Variants in TBC1D23 observed in about 807,000 individuals in gnomAD.
TBC1D23 encodes HCV non-structural protein 4A-transactivated protein 1.
TBC1D23 carries 55 observed loss-of-function variants against 91.4 expected under a neutral mutation model. The ratio of observed to expected loss-of-function variants is 0.60; its 90% CI spans 0.48 to 0.75. The LOEUF (loss-of-function observed/expected upper bound fraction) is 0.75, where lower values mean the gene tolerates loss of function less well. Among genes scored for constraint, TBC1D23 ranks in the 30% least tolerant of loss-of-function variants. The probability of loss-of-function intolerance (pLI) is 0.00; values close to 1 mark genes in which losing one functional copy is unlikely to be tolerated. For missense variants in TBC1D23, 725 were observed against 836.1 expected (o/e 0.87, Z 1.64); for synonymous variants, 289 against 281.0 (o/e 1.03, Z -0.28).
At chr3:100,292,799 C>T (rs1348732155) in intron 5 of TBC1D23, among the ~76,000 whole-genome samples, 1 of 151,982 alleles carries the variant, frequency 6.6e-6, no homozygotes, top group African/African-American at 2.4e-5. Context: ...CAAGGTCTCA[C>T]CATATTGCCT....
intron 1 of TBC1D23, among the ~76,000 whole-genome samples, chr3:100,276,062 C>A (rs1576160986): frequency 7.0e-6 from 1 of 142,412 alleles, no homozygotes; most frequent in Non-Finnish European, 1.5e-5. Context: ...TATGGGGTTT[C>A]TTTAAGTGCA....
intron 1 of TBC1D23, among the ~76,000 whole-genome samples, chr3:100,267,859 A>G (rs2067569351): frequency 6.6e-6 from 1 of 152,240 alleles, no homozygotes; most frequent in South Asian, 2.1e-4. Flanking sequence ...TTTGGATCTT[A>G]AAACAGCTCT....
rs752842795 is a variant in TBC1D23 at position 100,283,671 on chromosome 3, C to G, written c.336C>G (p.Thr112=). 1 of 1,613,262 alleles carries G rather than the reference C, an allele frequency of 6.2e-7. No homozygotes were observed. Among genetic ancestry groups the G allele is most frequent in the African/African-American group, 1.3e-5 (1 of 74,892 alleles). The change falls in exon 4 of 19, where the codon ACC becomes ACG. Residue 112 remains threonine (T), a synonymous_variant. Transcript: ENST00000394144. ...ELLLDIESVI[T]FYCKSRNIKY... is the part of the protein sequence containing the mutation. Reference sequence around the variant, plus strand: ...TTTTGGATATTGAATCTGTAATTACCTTTTATTGTAAATCACGTAACATTA... The same window carrying G: ...TTTTGGATATTGAATCTGTAATTACGTTTTATTGTAAATCACGTAACATTA...
intron 1 of TBC1D23, among the ~76,000 whole-genome samples, chr3:100,276,616 A>G (rs2067651038): frequency 6.6e-6 from 1 of 152,342 alleles, no homozygotes; most frequent in South Asian, 2.1e-4. Context: ...AACTATTTCC[A>G]TATAAATCCA....
chr3:100,277,072 C>T (rs1402362872), intron 1 of TBC1D23, among the ~76,000 whole-genome samples: 1 of 152,134 alleles, frequency 6.6e-6, no homozygotes. Flanking sequence ...CACAGCCCAC[C>T]CACTCATACC....
intron 17 of TBC1D23, among the ~76,000 whole-genome samples, chr3:100,320,434 T>G (rs1484896402): frequency 6.6e-6 from 1 of 152,186 alleles, no homozygotes; most frequent in African/African-American, 2.4e-5. Context: ...GAATAGTTTA[T>G]GAATATAGGT....
intron 12 of TBC1D23, among the ~76,000 whole-genome samples, chr3:100,306,081 C>T (rs995782737): frequency 6.6e-6 from 1 of 152,138 alleles, no homozygotes; most frequent in African/African-American, 2.4e-5. Flanking sequence ...TAACAAAAGT[C>T]ACAATCGGTT....
At chr3:100,313,610 A>C (rs1705669602) in intron 15 of TBC1D23, among the ~76,000 whole-genome samples, 1 of 152,132 alleles carries the variant, frequency 6.6e-6, no homozygotes, top group Admixed American at 6.5e-5. Context: ...CTCTTTACTC[A>C]TACTTTCTGG....
At position 100,306,542 on chromosome 3, in the gene TBC1D23, A is replaced by G. The variant is rs765696270; in HGVS notation, c.1412A>G (p.Asp471Gly). 6.5e-7 allele frequency: 1 copy of G among 1,534,146 alleles called. No individual in the cohort carries two copies. Among genetic ancestry groups the G allele is most frequent in the Admixed American group, 1.7e-5 (1 of 59,654 alleles). ...SGSRSSINSVDGESPNGSSDR... is the reference protein window; with the variant it reads ...SGSRSSINSVGGESPNGSSDR... Reference sequence around the variant, plus strand: ...TCAAGGAGCAGTATCAATTCTGTTGATGTAAGTATATGTAGAGAATATGTT... The same window carrying G: ...TCAAGGAGCAGTATCAATTCTGTTGGTGTAAGTATATGTAGAGAATATGTT... The change falls in exon 13 of 19, where the codon GAT becomes GGT. Residue 471 changes from aspartate (D) to glycine (G), a missense_variant and splice_region_variant. By Grantham distance (94) the Asp-to-Gly change is moderately conservative (BLOSUM62 -1). Coordinates refer to ENST00000394144, the MANE Select transcript of TBC1D23 (RefSeq NM_001199198.3).
chr3:100,276,086 TAAAA>T (rs71625558), intron 1 of TBC1D23, among the ~76,000 whole-genome samples: 1 of 138,662 alleles, frequency 7.2e-6, no homozygotes, highest in African/African-American at 2.7e-5. Context: ...AGATACTTGT[TAAAA>T]AAAAAAAAAA....
intron 11 of TBC1D23, 132 bp from the exon 12 acceptor site, chr3:100,304,714 A>G: frequency 1.6e-6 from 1 of 632,526 alleles, no homozygotes; most frequent in Non-Finnish European, 2.8e-6. Context: ...AAAGTCCAAA[A>G]TGTCAAGGAA....
intron 4 of TBC1D23, among the ~76,000 whole-genome samples, chr3:100,289,708 G>A (rs2067773730): frequency 6.6e-6 from 1 of 152,144 alleles, no homozygotes; most frequent in South Asian, 2.1e-4. Context: ...ACTAGAAACT[G>A]TAGGAAATCC....
chr3:100,307,197 C>T (rs1197024425), intron 13 of TBC1D23, among the ~76,000 whole-genome samples: 1 of 152,134 alleles, frequency 6.6e-6, no homozygotes, highest in African/African-American at 2.4e-5. Context: ...TGTGCTTTTC[C>T]AGTACTTCAA....
chr3:100,273,517 T>A (rs1256894805), intron 1 of TBC1D23, among the ~76,000 whole-genome samples: 1 of 152,186 alleles, frequency 6.6e-6, no homozygotes, highest in African/African-American at 2.4e-5. Context: ...TAGAGAAAAC[T>A]ATTTTAAAAT....
In TBC1D23 at chr3:100,283,830, A is replaced by C; in HGVS notation, c.476+19A>C. 1 of 1,546,188 alleles carries C rather than the reference A, an allele frequency of 6.5e-7. No individual in the cohort carries two copies. Among genetic ancestry groups the C allele is most frequent in the East Asian group, 2.2e-5 (1 of 44,488 alleles). The stretch of plus-strand genomic sequence containing the variant: ...TTCCCAGGTAAAATATGATTCAGTT[A>C]TTGTAGTTTTTAAAAGTGAATACAG... On this transcript the variant is annotated intron_variant, in intron 4 of 18. Transcript: ENST00000394144.
chr3:100,300,624 C>T (rs1007750535), intron 10 of TBC1D23, among the ~76,000 whole-genome samples: 2 of 151,516 alleles, frequency 1.3e-5, no homozygotes, highest in Non-Finnish European at 2.9e-5. Context: ...GCCTCAGCCT[C>T]CCGAGTAACT....
intron 1 of TBC1D23, 152 bp downstream of exon 1, chr3:100,261,223 G>A (rs555415925): frequency 4.3e-6 from 3 of 695,036 alleles, no homozygotes; most frequent in African/African-American, 1.8e-5. Flanking sequence ...CTGCCAGCTG[G>A]GTGCCCCCTG....
chr3:100,261,070 T>C lies in TBC1D23; in HGVS notation c.52T>C (p.Trp18Arg). The C allele has an allele frequency of 1.2e-6, 2 of 1,613,698 alleles. No homozygotes were observed. Among genetic ancestry groups the C allele is most frequent in the Non-Finnish European group, 1.7e-6 (2 of 1,179,604 alleles). Residue 18 changes from tryptophan to arginine, a missense_variant and splice_region_variant, in exon 1 of 19, where the codon TGG (tryptophan) becomes CGG (arginine). Coordinates refer to ENST00000394144, the MANE Select transcript of TBC1D23 (RefSeq NM_001199198.3). ...PPLPTSSGDGWEKDLEEALEA... is the reference protein window; with the variant it reads ...PPLPTSSGDGREKDLEEALEA... ...GCTGCCAACGTCGAGCGGCGACGGC[T>C]GGTGAGTGAAAGCCGGGGCTAATTT...
chr3:100,320,799 C>T lies in TBC1D23; in HGVS notation c.1846C>T (p.His616Tyr). 6.3e-7 allele frequency: 1 copy of T among 1,591,804 alleles called. No homozygotes were observed. The highest frequency in any genetic ancestry group is 1.8e-5 in the Admixed American group (1 of 55,758). Residue 616 changes from histidine (H) to tyrosine (Y), a missense_variant, in exon 18 of 19, where the codon CAT (histidine) becomes TAT (tyrosine). Transcript: ENST00000394144. Reference sequence around the variant, plus strand: ...AAGTCATCTGTTGGTTACTGCAACACATATGTACTGTTTAAGGGAGATTGT... The same window carrying T: ...AAGTCATCTGTTGGTTACTGCAACATATATGTACTGTTTAAGGGAGATTGT... ...FPSHLLVTAT[H>Y]MYCLREIVSR...
Sources: allele counts gnomAD v4.1 joint callset (sites outside exome capture counted in the v4.1 genomes callset), GRCh38; gene constraint gnomAD v4.1.1; transcripts MANE v1.5; gene names NCBI Gene and HGNC (gene_info 2026-07-23, HGNC 2026-07-21).